The following CCDC141 variants were observed in gnomAD, a reference collection of about 807,000 sequenced individuals.
The protein encoded by CCDC141 is coiled-coil domain containing 141, also known as coiled-coil domain-containing protein 141.
Under a neutral mutation model 181.0 loss-of-function variants are expected in CCDC141, and 168 were observed. The ratio of observed to expected loss-of-function variants is 0.93; its 90% CI spans 0.82 to 1.05. The LOEUF (loss-of-function observed/expected upper bound fraction) is 1.05, where lower values mean the gene tolerates loss of function less well. CCDC141 is among the 50% of genes least tolerant of loss of function. The pLI, the probability that CCDC141 is intolerant of heterozygous loss-of-function variation, is 0.00. For synonymous variants in CCDC141, 666 were observed against 642.3 expected (o/e 1.04, Z -0.56); for missense variants, 1,902 against 1,788.5 (o/e 1.06, Z -1.14).
intron 2 of CCDC141, among the ~76,000 whole-genome samples, chr2:178,992,886 TC>T (rs1338885291): frequency 6.6e-6 from 1 of 152,122 alleles, no homozygotes; most frequent in African/African-American, 2.4e-5. Flanking sequence ...AAGTGGCTTT[TC>T]CCCCTTTTTG....
At chr2:178,966,295 G>A (rs1356818618) in intron 4 of CCDC141, among the ~76,000 whole-genome samples, 4 of 152,298 alleles carry the variant, frequency 2.6e-5, no homozygotes, top group Non-Finnish European at 4.4e-5. Flanking sequence ...CCTCAAGTGG[G>A]TCCCTGACCC....
intron 2 of CCDC141, among the ~76,000 whole-genome samples, chr2:178,997,356 C>T (rs77568628): frequency 0.015 from 2,299 of 152,174 alleles, 59 homozygotes; most frequent in African/African-American, 0.052. Context: ...CATTGCTGAG[C>T]CTCCATGGAG....
chr2:178,907,651 C>T (rs1421621209), intron 7 of CCDC141, among the ~76,000 whole-genome samples: 4 of 152,098 alleles, frequency 2.6e-5, no homozygotes, highest in Non-Finnish European at 1.5e-5. Context: ...GATTCTTTTG[C>T]TTTCCTGCAG....
At chr2:178,971,224 A>G (rs1575284425) in intron 4 of CCDC141, among the ~76,000 whole-genome samples, 2 of 152,166 alleles carry the variant, frequency 1.3e-5, no homozygotes, top group South Asian at 4.1e-4. Context: ...AAAAAAATTT[A>G]TAAGAAAAAA....
chr2:178,969,314 T>C (rs1181301806), intron 4 of CCDC141, among the ~76,000 whole-genome samples: 1 of 151,704 alleles, frequency 6.6e-6, no homozygotes, highest in East Asian at 1.9e-4. Flanking sequence ...AAAATTTTTT[T>C]CTTTTAGAGC....
Position 178,888,601 on chromosome 2 carries a change from G to A in CCDC141, c.1333C>T (p.Gln445Ter). 1 of 1,550,708 alleles carries A rather than the reference G, an allele frequency of 6.4e-7. No individual in the cohort carries two copies. The highest frequency in any genetic ancestry group is 8.7e-7 in the Non-Finnish European group (1 of 1,146,892). Residue 445 changes from glutamine to a stop codon, truncating the protein, a stop_gained, in exon 9 of 24, where the codon CAG becomes TAG. Transcript: ENST00000443758. LOFTEE classifies it high-confidence loss of function. Reference sequence around the variant, plus strand: ...GCATATTCCTTGTGCGCTGAACACTGTTCGGTCAGATGATCCACTCGTCTC... The same window carrying A: ...GCATATTCCTTGTGCGCTGAACACTATTCGGTCAGATGATCCACTCGTCTC... ...IKRRVDHLTE[Q>*]CSAHKEYALK...
chr2:178,824,211 G>T, the CCDC141 span, among the ~76,000 whole-genome samples: 5 of 152,128 alleles, frequency 3.3e-5, no homozygotes, highest in Non-Finnish European at 4.4e-5. Context: ...TATATTTAAA[G>T]AAATGGTATA....
At chr2:178,989,817 T>C (rs1340084431) in intron 2 of CCDC141, among the ~76,000 whole-genome samples, 2 of 115,474 alleles carry the variant, frequency 1.7e-5, no homozygotes, top group Non-Finnish European at 3.4e-5. Context: ...CCCACTAGGA[T>C]AGCTATAATC....
At chr2:178,845,094 T>C (rs1420699232) in intron 22 of CCDC141, among the ~76,000 whole-genome samples, 5 of 152,212 alleles carry the variant, frequency 3.3e-5, no homozygotes, top group Non-Finnish European at 7.3e-5. Context: ...CTCTAAATAC[T>C]TTAGTATTTA....
chr2:178,855,480 G>C lies in CCDC141; in HGVS notation c.2927C>G (p.Pro976Arg), dbSNP rs1439803363. ...CAAAAGGACATTAACTTTATCACTT[G>C]GATAATTTAAGAAAGAATCAGAGGT... ...NKTSDSFLNY[P>R]SDKVNVLLEV... Residue 976 changes from proline to arginine, a missense_variant, in exon 19 of 24, where the codon CCA (proline) becomes CGA (arginine). Coordinates refer to ENST00000443758, the MANE Select transcript of CCDC141 (RefSeq NM_173648.4). The C allele has an allele frequency of 6.2e-7, 1 of 1,606,844 alleles. No individual in the cohort carries two copies. The highest frequency in any genetic ancestry group is 8.5e-7 in the Non-Finnish European group (1 of 1,176,908).
intron 2 of CCDC141, among the ~76,000 whole-genome samples, chr2:179,025,582 G>A (rs914956721): frequency 2.0e-5 from 3 of 152,142 alleles, no homozygotes; most frequent in African/African-American, 7.2e-5. Flanking sequence ...TTTGTAAATT[G>A]CCTAGTCTTG....
intron 8 of CCDC141, among the ~76,000 whole-genome samples, chr2:178,900,309 G>A (rs1360265809): frequency 1.3e-5 from 2 of 152,058 alleles, no homozygotes; most frequent in African/African-American, 4.8e-5. Context: ...CAATAATTAT[G>A]TAAAAATTAA....
chr2:178,874,093 G>A (rs1686247505), intron 12 of CCDC141: 1 of 152,132 alleles, frequency 6.6e-6, no homozygotes, highest in Non-Finnish European at 1.5e-5. Flanking sequence ...GAATATACCA[G>A]CTGGCCTCTG....
chr2:178,819,534 G>C, the CCDC141 span, among the ~76,000 whole-genome samples: 1 of 152,200 alleles, frequency 6.6e-6, no homozygotes. Context: ...CAAAACACCA[G>C]TGTGTAATCT....
Position 179,032,770 on chromosome 2 carries a change from AC to A in CCDC141, c.225+14513del, listed in dbSNP as rs905169388. On this transcript the variant is annotated intron_variant, in intron 2 of 23. Coordinates refer to ENST00000443758, the MANE Select transcript of CCDC141 (RefSeq NM_173648.4). ...CCTGGTACTAGAACCAGTAAAAAAG[AC>A]AAAAATTCTAATTTCGCTCAAGGAC... Among the ~76,000 whole-genome samples, 139 of 151,256 alleles carry A rather than the reference AC, an allele frequency of 9.2e-4. 1 individual carries two copies. The highest frequency in any genetic ancestry group is 3.1e-3 in the African/African-American group (126 of 41,028).
chr2:178,889,803 T>A (rs998321313), intron 8 of CCDC141, among the ~76,000 whole-genome samples: 3 of 152,230 alleles, frequency 2.0e-5, no homozygotes, highest in Non-Finnish European at 4.4e-5. Flanking sequence ...GCACATAATG[T>A]TTCACAGATG....
chr2:178,877,270 T>G (rs1686393862), intron 12 of CCDC141: 1 of 152,144 alleles, frequency 6.6e-6, no homozygotes. Flanking sequence ...ATATGAATAC[T>G]TTTTGTCCCT....
chr2:178,839,574 T>C, intron 22 of CCDC141, among the ~76,000 whole-genome samples: 2 of 92,652 alleles, frequency 2.2e-5, no homozygotes, highest in African/African-American at 9.4e-5. Flanking sequence ...GAGTGAAACT[T>C]CGTCTCCAAA....
intron 8 of CCDC141, among the ~76,000 whole-genome samples, chr2:178,901,614 A>G (rs900467985): frequency 6.6e-6 from 1 of 152,248 alleles, no homozygotes. Context: ...TCTCAAAATA[A>G]TAAGAGCTAT....
Sources: gnomAD v4.1 joint callset for allele counts (sites outside exome capture counted in the v4.1 genomes callset) on GRCh38, gnomAD v4.1.1 for gene constraint, MANE v1.5 for transcripts, NCBI Gene and HGNC (gene_info 2026-07-23, HGNC 2026-07-21) for gene names.